Variants in FAM174A observed in about 807,000 individuals in gnomAD.
FAM174A encodes the protein family with sequence similarity 174 member A, also known as membrane protein FAM174A.
Under a neutral mutation model 14.3 loss-of-function variants are expected in FAM174A, and 14 were observed. The observed-to-expected ratio is 0.98, with a 90% CI of 0.65 to 1.53. The LOEUF (loss-of-function observed/expected upper bound fraction) is 1.53, where lower values mean the gene tolerates loss of function less well. Ranked by LOEUF, FAM174A falls within the 40% of genes most tolerant of loss-of-function variation. The pLI is 0.00. For synonymous variants in FAM174A, 108 were observed against 111.4 expected (o/e 0.97, Z 0.19); for missense variants, 241 against 249.6 (o/e 0.97, Z 0.23).
intron 2 of FAM174A, among the ~76,000 whole-genome samples, chr5:100,565,364 C>A (rs1184903815): frequency 6.6e-6 from 1 of 151,816 alleles, no homozygotes; most frequent in Non-Finnish European, 1.5e-5. Flanking sequence ...AGTAGATAAT[C>A]ATCAGAGTGA....
At chr5:100,555,491 G>A (rs1333281926) in intron 1 of FAM174A, among the ~76,000 whole-genome samples, 1 of 152,054 alleles carries the variant, frequency 6.6e-6, no homozygotes, top group Admixed American at 6.6e-5. Flanking sequence ...CTAGATCCCT[G>A]AGGAATCGCC....
Position 100,535,663 on chromosome 5 carries a change from C to T in FAM174A, c.133C>T (p.Pro45Ser), listed in dbSNP as rs1745925261. 2 of 1,612,238 alleles carry T rather than the reference C, an allele frequency of 1.2e-6. No homozygotes were observed. The highest frequency in any genetic ancestry group is 2.7e-5 in the African/African-American group (2 of 74,946). Residue 45 changes from proline to serine, a missense_variant, in exon 1 of 3, where the codon CCT becomes TCT. Pro to Ser is a moderately conservative substitution (Grantham distance 74). Transcript: ENST00000312637. ...AGCCGAGGCCGCGCCAGGTCTTGGG[C>T]CTCCTGACCCTAGACCACGGACATT... ...QAAEAAPGLGPPDPRPRTLPP... is the reference protein window; with the variant it reads ...QAAEAAPGLGSPDPRPRTLPP...
intron 1 of FAM174A, among the ~76,000 whole-genome samples, chr5:100,552,337 C>G (rs1225106697): frequency 2.0e-5 from 3 of 151,962 alleles, no homozygotes; most frequent in Admixed American, 2.0e-4. Context: ...TTATTATTCA[C>G]TGTTTCATTG....
intron 1 of FAM174A, among the ~76,000 whole-genome samples, chr5:100,554,781 C>T (rs1232566893): frequency 6.6e-6 from 1 of 152,012 alleles, no homozygotes; most frequent in Non-Finnish European, 1.5e-5. Context: ...ATCTATCTGT[C>T]TATCTATCTA....
At chr5:100,583,500 A>C (rs1037072159) in intron 2 of FAM174A, among the ~76,000 whole-genome samples, 3 of 152,218 alleles carry the variant, frequency 2.0e-5, no homozygotes, top group African/African-American at 7.2e-5. Context: ...AGCTTCTTCT[A>C]CATCTTCTTC....
At chr5:100,566,141 G>GATAGATAGAT (rs558236562) in intron 2 of FAM174A, among the ~76,000 whole-genome samples, 4 of 81,810 alleles carry the variant, frequency 4.9e-5, no homozygotes, top group Non-Finnish European at 9.7e-5. Context: ...TGAAAAGTAT[G>GATAGATAGAT]ATATATATAT....
At chr5:100,572,009 T>C (rs1461267506) in intron 2 of FAM174A, among the ~76,000 whole-genome samples, 2 of 151,944 alleles carry the variant, frequency 1.3e-5, no homozygotes, top group African/African-American at 2.4e-5. Flanking sequence ...GGTTTTACCA[T>C]TGAACTGAAA....
At chr5:100,556,848 A>T (rs1746396642) in intron 1 of FAM174A, among the ~76,000 whole-genome samples, 1 of 152,170 alleles carries the variant, frequency 6.6e-6, no homozygotes, top group South Asian at 2.1e-4. Flanking sequence ...TTGGGCTGAG[A>T]CGATGGGGTT....
At chr5:100,556,649 G>A (rs1746390355) in intron 1 of FAM174A, among the ~76,000 whole-genome samples, 1 of 152,006 alleles carries the variant, frequency 6.6e-6, no homozygotes, top group South Asian at 2.1e-4. Flanking sequence ...CCTTGAAGAG[G>A]TCCTTCACGT....
chr5:100,577,340 T>C (rs1469898292), intron 2 of FAM174A, among the ~76,000 whole-genome samples: 2 of 152,148 alleles, frequency 1.3e-5, no homozygotes, highest in Non-Finnish European at 2.9e-5. Flanking sequence ...CAGGCTACTT[T>C]AGTAATTTCT....
intron 2 of FAM174A, among the ~76,000 whole-genome samples, chr5:100,585,274 G>A (rs893760898): frequency 6.6e-6 from 1 of 152,122 alleles, no homozygotes; most frequent in Non-Finnish European, 1.5e-5. Context: ...ACCATGTATA[G>A]TCTGTGCTTA....
chr5:100,564,473 T>C (rs1746595914), intron 2 of FAM174A, among the ~76,000 whole-genome samples: 1 of 151,658 alleles, frequency 6.6e-6, no homozygotes, highest in African/African-American at 2.4e-5. Context: ...TTTCAGAAAG[T>C]GGCAAAAGAA....
In FAM174A at chr5:100,535,450, TC is replaced by T; in HGVS notation, c.-79del. ...GCGTTTGGTCACCTCTGCTTCATTC[TC>T]CACCGCGCCTATGGTCCCTCTTGGA... is the stretch of plus-strand genomic sequence containing the variant. On this transcript the variant is annotated 5_prime_UTR_variant, in exon 1 of 3. Transcript: ENST00000312637. 6.7e-7 allele frequency: 1 copy of T among 1,503,734 alleles called. No individual in the cohort carries two copies. The highest frequency in any genetic ancestry group is 9.1e-7 in the Non-Finnish European group (1 of 1,096,894). The allele number at this position is 1,503,734 out of a possible 1,614,324, so 93.1% of individuals were successfully genotyped here. A position where few individuals can be genotyped will look rare whatever the true frequency, so the allele number is the denominator to read the frequency against.
intron 1 of FAM174A, among the ~76,000 whole-genome samples, chr5:100,547,036 T>C (rs570603896): frequency 6.6e-6 from 1 of 152,278 alleles, no homozygotes; most frequent in East Asian, 1.9e-4. Flanking sequence ...TTCTTCCATA[T>C]TGACTTCCCA....
chr5:100,551,355 A>C (rs765984502), intron 1 of FAM174A, among the ~76,000 whole-genome samples: 4 of 152,090 alleles, frequency 2.6e-5, no homozygotes, highest in Non-Finnish European at 5.9e-5. Context: ...CTAGCCGATG[A>C]CTGAGTGGAG....
At chr5:100,580,789 A>G (rs188616306) in intron 2 of FAM174A, among the ~76,000 whole-genome samples, 1 of 152,324 alleles carries the variant, frequency 6.6e-6, no homozygotes, top group East Asian at 1.9e-4. Flanking sequence ...GCTGAGGGAT[A>G]GCTTGTCCTG....
chr5:100,577,358 A>T (rs936056666), intron 2 of FAM174A, among the ~76,000 whole-genome samples: 1 of 152,102 alleles, frequency 6.6e-6, no homozygotes, highest in African/African-American at 2.4e-5. Context: ...TCTGCCAAAT[A>T]TGTAACTTAA....
intron 1 of FAM174A, among the ~76,000 whole-genome samples, chr5:100,551,298 G>T (rs896951355): frequency 6.6e-6 from 1 of 152,056 alleles, no homozygotes; most frequent in Non-Finnish European, 1.5e-5. Context: ...CACAGATTTG[G>T]GTCCATCACA....
intron 2 of FAM174A, among the ~76,000 whole-genome samples, chr5:100,572,335 T>A (rs1746803586): frequency 6.6e-6 from 1 of 151,152 alleles, no homozygotes; most frequent in Non-Finnish European, 1.5e-5. Flanking sequence ...TGTGCCATGC[T>A]GGTGCGCTGC....
Sources: gnomAD v4.1 joint callset for allele counts (sites outside exome capture counted in the v4.1 genomes callset) on GRCh38, gnomAD v4.1.1 for gene constraint, MANE v1.5 for transcripts, NCBI Gene and HGNC (gene_info 2026-07-23, HGNC 2026-07-21) for gene names.